NTNG1: variants seen among roughly 807,000 people sequenced by gnomAD.
NTNG1 encodes netrin G1, also known as netrin-G1.
Under a neutral mutation model 54.0 loss-of-function variants are expected in NTNG1, and 16 were observed. The observed-to-expected ratio is 0.30, with a 90% CI of 0.20 to 0.45. The LOEUF is 0.45. NTNG1 is among the 20% of genes least tolerant of loss of function. The probability of loss-of-function intolerance (pLI) is 1.00; values close to 1 mark genes in which losing one functional copy is unlikely to be tolerated. For synonymous variants in NTNG1, 255 were observed against 263.1 expected (o/e 0.97, Z 0.30); for missense variants, 530 against 678.7 (o/e 0.78, Z 2.43).
At chr1:107,199,852 A>AG (rs1658606421) in intron 2 of NTNG1, among the ~76,000 whole-genome samples, 2 of 151,470 alleles carry the variant, frequency 1.3e-5, no homozygotes, top group South Asian at 4.2e-4. Context: ...ATCCTTAAAA[A>AG]ATACAAATCC....
chr1:107,156,534 T>G (rs1191521142), intron 2 of NTNG1, among the ~76,000 whole-genome samples: 1 of 152,220 alleles, frequency 6.6e-6, no homozygotes, highest in Non-Finnish European at 1.5e-5. Flanking sequence ...ATAGAATATG[T>G]ATAGCTATTA....
intron 2 of NTNG1, among the ~76,000 whole-genome samples, chr1:107,167,466 C>CAAATATA (rs1355266599): frequency 6.6e-6 from 1 of 151,356 alleles, no homozygotes; most frequent in Non-Finnish European, 1.5e-5. Flanking sequence ...ATTATTAGTA[C>CAAATATA]AAATATAAAA....
intron 5 of NTNG1, among the ~76,000 whole-genome samples, chr1:107,429,332 A>G (rs1675107146): frequency 6.6e-6 from 1 of 152,132 alleles, no homozygotes; most frequent in Non-Finnish European, 1.5e-5. Context: ...AACTTTTCTG[A>G]TGAGTGGTAG....
At chr1:107,298,880 T>C (rs958684250) in intron 2 of NTNG1, among the ~76,000 whole-genome samples, 3 of 152,088 alleles carry the variant, frequency 2.0e-5, no homozygotes, top group African/African-American at 4.8e-5. Flanking sequence ...TCTAGGAAGA[T>C]CAAGAAAATA....
At chr1:107,348,869 T>C (rs546983272) in intron 3 of NTNG1, among the ~76,000 whole-genome samples, 74 of 152,340 alleles carry the variant, frequency 4.9e-4, no homozygotes, top group African/African-American at 1.8e-3. Flanking sequence ...CTTTTACTTA[T>C]GCCTCTCTCA....
chr1:107,200,111 A>G (rs978085409), intron 2 of NTNG1, among the ~76,000 whole-genome samples: 1 of 151,808 alleles, frequency 6.6e-6, no homozygotes, highest in African/African-American at 2.4e-5. Flanking sequence ...AGATTCTTGG[A>G]TACTGCTTTT....
intron 2 of NTNG1, among the ~76,000 whole-genome samples, chr1:107,270,130 C>T (rs903360446): frequency 3.3e-5 from 5 of 152,316 alleles, no homozygotes; most frequent in Admixed American, 3.3e-4. Context: ...AACAGAAAGA[C>T]AGATGTAAAA....
intron 3 of NTNG1, among the ~76,000 whole-genome samples, chr1:107,337,026 G>A (rs531550334): frequency 6.6e-6 from 1 of 152,080 alleles, no homozygotes; most frequent in South Asian, 2.1e-4. Context: ...TAATGAAATG[G>A]TACAGACACT....
chr1:107,313,119 G>A (rs879600118), intron 2 of NTNG1, among the ~76,000 whole-genome samples: 26 of 152,026 alleles, frequency 1.7e-4, no homozygotes, highest in Non-Finnish European at 3.2e-4. Context: ...TACTTTGGGG[G>A]GCATTAGTTG....
chr1:107,218,446 C>T (rs1371869088), intron 2 of NTNG1, among the ~76,000 whole-genome samples: 3 of 152,168 alleles, frequency 2.0e-5, no homozygotes, highest in Non-Finnish European at 4.4e-5. Context: ...AGGCCATTTA[C>T]ATTCAACGTT....
chr1:107,306,436 G>GA lies in NTNG1; in HGVS notation c.247-17844dup, dbSNP rs367674913. ...CTCCCATATGGGACAACACAGGGCT[G>GA]AACTGTTAACATGACAAAAGAGTGG... is the stretch of plus-strand genomic sequence containing the variant. On this transcript the variant is annotated intron_variant, in intron 2 of 7. Transcript: ENST00000370068. Among the ~76,000 whole-genome samples the GA allele has an allele frequency of 1.3e-3, 195 of 152,262 alleles. 1 individual carries two copies. The highest frequency in any genetic ancestry group is 4.6e-3 in the African/African-American group (190 of 41,546).
chr1:107,194,862 A>G (rs1406912534), intron 2 of NTNG1, among the ~76,000 whole-genome samples: 1 of 151,998 alleles, frequency 6.6e-6, no homozygotes, highest in African/African-American at 2.4e-5. Context: ...CAACTAGAAT[A>G]TGGATTACAC....
intron 2 of NTNG1, among the ~76,000 whole-genome samples, chr1:107,222,484 T>C (rs1426227901): frequency 2.0e-5 from 3 of 152,146 alleles, no homozygotes; most frequent in Non-Finnish European, 4.4e-5. Context: ...TGTGGTAGCA[T>C]AGGCAAAGTT....
At chr1:107,451,047 G>C (rs1448200990) in intron 7 of NTNG1, among the ~76,000 whole-genome samples, 1 of 150,988 alleles carries the variant, frequency 6.6e-6, no homozygotes, top group East Asian at 1.9e-4. Context: ...TTAGGGGTTT[G>C]TATGTCTGAA....
intron 2 of NTNG1, among the ~76,000 whole-genome samples, chr1:107,276,826 CT>C (rs11329482): frequency 0.2 from 28,702 of 144,950 alleles, 3,991 homozygotes; most frequent in African/African-American, 0.41. Context: ...AAATTTTCTT[CT>C]TTTTTTTTTT....
At chr1:107,473,087 T>A (rs943118555) in intron 7 of NTNG1, among the ~76,000 whole-genome samples, 20 of 152,214 alleles carry the variant, frequency 1.3e-4, no homozygotes, top group African/African-American at 4.8e-4. Flanking sequence ...CATCTTTCTC[T>A]CAGCAATCCT....
At chr1:107,317,902 T>G (rs1667427058) in intron 2 of NTNG1, among the ~76,000 whole-genome samples, 2 of 152,150 alleles carry the variant, frequency 1.3e-5, no homozygotes, top group South Asian at 4.1e-4. Flanking sequence ...AACTCCAGAG[T>G]TATACAAAAA....
At chr1:107,329,186 C>T (rs752048385) in intron 3 of NTNG1, among the ~76,000 whole-genome samples, 8 of 152,150 alleles carry the variant, frequency 5.3e-5, no homozygotes, top group Non-Finnish European at 7.4e-5. Context: ...AGTTTCACTT[C>T]GACAAAACTT....
intron 3 of NTNG1, among the ~76,000 whole-genome samples, chr1:107,375,365 C>G (rs1671167791): frequency 6.6e-6 from 1 of 152,304 alleles, no homozygotes; most frequent in South Asian, 2.1e-4. Context: ...CCCTCCTTAC[C>G]TGATGTCTTA....
Sources: gnomAD v4.1 joint callset for allele counts (sites outside exome capture counted in the v4.1 genomes callset) on GRCh38, gnomAD v4.1.1 for gene constraint, MANE v1.5 for transcripts, NCBI Gene and HGNC (gene_info 2026-07-23, HGNC 2026-07-21) for gene names.